CA6: variants seen among roughly 807,000 people sequenced by gnomAD.
CA6 encodes carbonate dehydratase VI.
In CA6, 28 loss-of-function variants were observed where a neutral mutation model predicts 35.9. That is an observed-to-expected ratio of 0.78 (90% CI 0.58 to 1.07). The LOEUF is 1.07. Ranked by LOEUF, CA6 falls within the 50% of genes least tolerant of loss-of-function variation. The probability of loss-of-function intolerance (pLI) is 0.00; values close to 1 mark genes in which losing one functional copy is unlikely to be tolerated. For synonymous variants in CA6, 148 were observed against 152.6 expected (o/e 0.97, Z 0.22); for missense variants, 377 against 382.0 (o/e 0.99, Z 0.11).
At chr1:8,960,606 C>T (rs1049441675) in intron 4 of CA6, among the ~76,000 whole-genome samples, 1 of 151,670 alleles carries the variant, frequency 6.6e-6, no homozygotes, top group East Asian at 1.9e-4. Context: ...CAAAGCAGAT[C>T]TGAGGCAGCA....
chr1:8,974,735 T>G lies in CA6; in HGVS notation c.*31T>G. The stretch of plus-strand genomic sequence containing the variant: ...GCTAAGAGGAAGATTCAATATTAAC[T>G]AGCTTGAAGCCTGACCTAGCCAGAA... On this transcript the variant is annotated 3_prime_UTR_variant, in exon 8 of 8. Coordinates refer to ENST00000377443, the MANE Select transcript of CA6 (RefSeq NM_001215.4). 1 of 1,421,460 alleles carries G rather than the reference T, an allele frequency of 7.0e-7. No individual in the cohort carries two copies. Among genetic ancestry groups the G allele is most frequent in the Non-Finnish European group, 9.7e-7 (1 of 1,034,326 alleles). The allele number at this position is 1,421,460 out of a possible 1,614,324, so 88.1% of individuals were successfully genotyped here. A position where few individuals can be genotyped will look rare whatever the true frequency, so the allele number is the denominator to read the frequency against.
chr1:8,967,248 A>G (rs915039669), intron 5 of CA6, among the ~76,000 whole-genome samples: 23 of 152,302 alleles, frequency 1.5e-4, no homozygotes, highest in African/African-American at 5.1e-4. Flanking sequence ...TTCATTGATC[A>G]TAAAATGTGT....
At chr1:8,948,658 G>A (rs1473134311) in intron 1 of CA6, among the ~76,000 whole-genome samples, 1 of 151,880 alleles carries the variant, frequency 6.6e-6, no homozygotes, top group Non-Finnish European at 1.5e-5. Flanking sequence ...AGTCAAACGA[G>A]AGCAAAAATT....
intron 2 of CA6, among the ~76,000 whole-genome samples, chr1:8,952,956 C>G (rs1231053268): frequency 6.6e-6 from 1 of 152,244 alleles, no homozygotes; most frequent in Non-Finnish European, 1.5e-5. Context: ...CATGCCCAGT[C>G]AGGTTTTGAA....
At chr1:8,968,129 G>A (rs891902379) in intron 6 of CA6, among the ~76,000 whole-genome samples, 1 of 151,816 alleles carries the variant, frequency 6.6e-6, no homozygotes, top group Admixed American at 6.6e-5. Flanking sequence ...CACCACGCCC[G>A]GCTAGTTTTT....
intron 5 of CA6, 82 bp from the exon 6 acceptor site, chr1:8,967,577 T>C: frequency 1.8e-6 from 2 of 1,115,542 alleles, no homozygotes; most frequent in South Asian, 3.0e-5. Flanking sequence ...GATTGGAACC[T>C]GGCGAGGCCT....
chr1:8,961,492 G>C (rs1345248927), intron 4 of CA6, among the ~76,000 whole-genome samples: 2 of 152,166 alleles, frequency 1.3e-5, no homozygotes, highest in Non-Finnish European at 2.9e-5. Flanking sequence ...ATATTAACCT[G>C]ACATAGATTG....
Position 8,957,148 on chromosome 1 carries a change from C to T in CA6, c.271C>T (p.Leu91=). Residue 91 remains leucine, a synonymous_variant, in exon 3 of 8, where the codon CTG becomes TTG. Transcript: ENST00000377443. Reference sequence around the variant, plus strand: ...CCTTGTCTCTCCAGTGCAGATCAGCCTGCCCTCCACCATGCGCATGACAGT... The same window carrying T: ...CCTTGTCTCTCCAGTGCAGATCAGCTTGCCCTCCACCATGCGCATGACAGT... ...VNNGHTVQIS[L]PSTMRMTVAD... is the part of the protein sequence containing the mutation. The T allele has an allele frequency of 1.2e-6, 2 of 1,609,424 alleles. No individual in the cohort carries two copies. Among genetic ancestry groups the T allele is most frequent in the Non-Finnish European group, 1.7e-6 (2 of 1,177,026 alleles).
intron 7 of CA6, chr1:8,974,386 C>A: frequency 6.5e-7 from 1 of 1,537,354 alleles, no homozygotes; most frequent in South Asian, 1.2e-5. Flanking sequence ...AGCCAAAATC[C>A]AAGAGTACAG....
intron 2 of CA6, among the ~76,000 whole-genome samples, chr1:8,955,611 ACCTTGCACGCCTCCTTTTAAGGC>A (rs898167280): frequency 3.6e-4 from 36 of 99,600 alleles, no homozygotes; most frequent in South Asian, 9.3e-4. Context: ...AGCATCACTG[ACCTTGCACGCCTCCTTTTAAGGC>A]CCTTCCACGC....
intron 7 of CA6, among the ~76,000 whole-genome samples, chr1:8,972,582 G>A (rs1445718621): frequency 6.6e-6 from 1 of 152,114 alleles, no homozygotes; most frequent in African/African-American, 2.4e-5. Flanking sequence ...TGAGACTGGG[G>A]AGGCTGAGTA....
chr1:8,962,962 A>T (rs1446670410), intron 5 of CA6, among the ~76,000 whole-genome samples: 2 of 152,178 alleles, frequency 1.3e-5, no homozygotes, highest in Non-Finnish European at 2.9e-5. Flanking sequence ...CTCAGCTGGC[A>T]GTGACAGTCC....
chr1:8,970,836 C>A (rs1404521060), intron 6 of CA6, 31 bp from the exon 7 acceptor site: 2 of 1,298,544 alleles, frequency 1.5e-6, no homozygotes, highest in Non-Finnish European at 2.2e-6. Context: ...AGTGACTCTT[C>A]CCCTCCATAA....
chr1:8,959,489 A>G (rs1639777935), intron 4 of CA6, among the ~76,000 whole-genome samples: 1 of 151,612 alleles, frequency 6.6e-6, no homozygotes, highest in Admixed American at 6.6e-5. Context: ...TAATTTTTGT[A>G]TTTTTAGTAG....
At chr1:8,953,632 T>C (rs1639597755) in intron 2 of CA6, among the ~76,000 whole-genome samples, 1 of 130,392 alleles carries the variant, frequency 7.7e-6, no homozygotes, top group Non-Finnish European at 1.7e-5. Context: ...AATCAATCAA[T>C]CAATCAGTCA....
intron 2 of CA6, chr1:8,951,367 C>A: frequency 1.4e-6 from 1 of 712,094 alleles, no homozygotes; most frequent in Non-Finnish European, 2.6e-6. Context: ...ACAAAAGCCT[C>A]ATTTTCATCA....
intron 7 of CA6, among the ~76,000 whole-genome samples, chr1:8,973,780 CT>C (rs1218698914): frequency 4.5e-5 from 1 of 22,086 alleles, no homozygotes; most frequent in African/African-American, 2.3e-4. Context: ...TTCTTTCTTT[CT>C]TTCTTTTCCC....
intron 7 of CA6, among the ~76,000 whole-genome samples, chr1:8,973,821 T>C (rs1569741138): frequency 7.0e-6 from 1 of 142,774 alleles, no homozygotes; most frequent in East Asian, 2.2e-4. Flanking sequence ...CTCTCTCTCT[T>C]TCTTCCTCTC....
intron 5 of CA6, 62 bp from the exon 6 acceptor site, chr1:8,967,597 C>G (rs1640001997): frequency 1.3e-5 from 19 of 1,451,074 alleles, no homozygotes; most frequent in Non-Finnish European, 1.8e-5. Context: ...TGGGCCTGAG[C>G]TGTCCTCCCG....
Sources: gnomAD v4.1 joint callset for allele counts (sites outside exome capture counted in the v4.1 genomes callset) on GRCh38, gnomAD v4.1.1 for gene constraint, MANE v1.5 for transcripts, NCBI Gene and HGNC (gene_info 2026-07-23, HGNC 2026-07-21) for gene names.